Variants in CNTN4 observed in about 807,000 individuals in gnomAD.
CNTN4 encodes the protein contactin-4.
In CNTN4, 77 loss-of-function variants were observed where a neutral mutation model predicts 122.5. The observed-to-expected ratio is 0.63, with a 90% CI of 0.52 to 0.76. The LOEUF is 0.76. Among genes scored for constraint, CNTN4 ranks in the 30% least tolerant of loss-of-function variants. The pLI is 0.00. For missense variants in CNTN4, 1,256 were observed against 1,259.1 expected, an observed-to-expected ratio of 1.00 and a Z score of 0.04; for synonymous variants, 512 against 447.0, an observed-to-expected ratio of 1.15 and a Z score of -1.83.
chr3:2,157,138 C>A (rs2149154228), intron 2 of CNTN4, among the ~76,000 whole-genome samples: 1 of 152,148 alleles, frequency 6.6e-6, no homozygotes, highest in South Asian at 2.1e-4. Flanking sequence ...AAATTTCTGT[C>A]TTACACATTT....
At chr3:2,321,089 G>T (rs1183739954) in intron 2 of CNTN4, among the ~76,000 whole-genome samples, 1 of 151,996 alleles carries the variant, frequency 6.6e-6, no homozygotes, top group Non-Finnish European at 1.5e-5. Flanking sequence ...AGATAATTTG[G>T]GCTCTGTTCA....
chr3:2,159,656 C>G (rs776386518), intron 2 of CNTN4, among the ~76,000 whole-genome samples: 14 of 152,146 alleles, frequency 9.2e-5, no homozygotes, highest in Non-Finnish European at 2.1e-4. Flanking sequence ...ATTGCAGCAT[C>G]TTACCGTGTG....
chr3:3,042,457 G>C lies in CNTN4; in HGVS notation c.2511+35G>C, dbSNP rs147167388. On this transcript the variant is annotated intron_variant, in intron 21 of 24. Coordinates refer to ENST00000418658, the MANE Select transcript of CNTN4 (RefSeq NM_175607.3). ...ACATATGTGCCTTGGGTCTGAAAGA[G>C]AGTCTATGCCCCTTGATAAGTCCTC... 30 of 1,347,092 alleles carry C rather than the reference G, an allele frequency of 2.2e-5. 1 individual carries two copies. The African/African-American group carries it at 4.1e-4, about 19-fold the overall frequency. 83.4% of individuals were successfully genotyped at this position (1,347,092 alleles called of 1,614,324 possible).
intron 4 of CNTN4, among the ~76,000 whole-genome samples, chr3:2,654,024 G>C (rs1345347385): frequency 2.0e-5 from 3 of 152,138 alleles, no homozygotes; most frequent in Admixed American, 1.3e-4. Context: ...TCTTTGTTTT[G>C]TTGCCCTTGG....
At chr3:2,360,407 A>G (rs1438663565) in intron 3 of CNTN4, among the ~76,000 whole-genome samples, 1 of 152,118 alleles carries the variant, frequency 6.6e-6, no homozygotes, top group Non-Finnish European at 1.5e-5. Flanking sequence ...AGTGAACTGG[A>G]AATACTGAAA....
chr3:2,802,047 C>T (rs1174723395), intron 6 of CNTN4, among the ~76,000 whole-genome samples: 1 of 152,184 alleles, frequency 6.6e-6, no homozygotes, highest in Non-Finnish European at 1.5e-5. Context: ...ACAACTACTT[C>T]TAATTTTGTT....
intron 15 of CNTN4, among the ~76,000 whole-genome samples, chr3:3,026,970 T>C (rs1387117380): frequency 6.6e-6 from 1 of 152,146 alleles, no homozygotes; most frequent in African/African-American, 2.4e-5. Context: ...ACAATAAAGA[T>C]GGACTCCGGC....
intron 4 of CNTN4, among the ~76,000 whole-genome samples, chr3:2,680,151 C>T (rs944023676): frequency 6.6e-6 from 1 of 152,110 alleles, no homozygotes; most frequent in African/African-American, 2.4e-5. Flanking sequence ...AGAAACTCAT[C>T]CAACTAAATA....
intron 17 of CNTN4, among the ~76,000 whole-genome samples, chr3:3,036,884 CAT>C (rs1699660718): frequency 6.6e-6 from 1 of 152,070 alleles, no homozygotes; most frequent in Non-Finnish European, 1.5e-5. Context: ...TGCGGAAACA[CAT>C]GTGAAGGGGT....
At chr3:2,307,162 G>A (rs893255702) in intron 2 of CNTN4, among the ~76,000 whole-genome samples, 8 of 152,088 alleles carry the variant, frequency 5.3e-5, no homozygotes, top group Non-Finnish European at 1.0e-4. Context: ...AAGGCCGGGC[G>A]CAGTGGCTCA....
At chr3:2,754,542 A>G (rs1178781481) in intron 6 of CNTN4, among the ~76,000 whole-genome samples, 3 of 152,260 alleles carry the variant, frequency 2.0e-5, no homozygotes, top group East Asian at 3.9e-4. Context: ...CTAATACACC[A>G]TTCATGCCCT....
At chr3:2,891,242 T>A (rs1045155126) in intron 10 of CNTN4, among the ~76,000 whole-genome samples, 2 of 151,942 alleles carry the variant, frequency 1.3e-5, no homozygotes, top group African/African-American at 2.4e-5. Context: ...AGTGGGTGAG[T>A]CACTTGAGGC....
intron 14 of CNTN4, among the ~76,000 whole-genome samples, chr3:3,000,880 CTTTT>C (rs59337830): frequency 3.0e-5 from 4 of 131,490 alleles, no homozygotes; most frequent in Non-Finnish European, 4.9e-5. Context: ...TTCTTTCTTT[CTTTT>C]TTTTTTTTTT....
chr3:2,904,527 A>G (rs1339384659), intron 12 of CNTN4, among the ~76,000 whole-genome samples: 1 of 152,238 alleles, frequency 6.6e-6, no homozygotes, highest in East Asian at 1.9e-4. Flanking sequence ...TAATGGTTTT[A>G]TGCTCTTGGC....
chr3:2,265,588 T>C (rs184128857), intron 2 of CNTN4, among the ~76,000 whole-genome samples: 24 of 152,204 alleles, frequency 1.6e-4, no homozygotes, highest in African/African-American at 5.5e-4. Context: ...GATTGTATTT[T>C]TCATTTTTGT....
Position 3,043,723 on chromosome 3 carries a change from G to A in CNTN4, c.2811+19G>A. ...ATACAAAGTAGGTAATTTCTTTTTT[G>A]CAAAGGCACCTAATCGTGCTGTGAG... On this transcript the variant is annotated intron_variant, in intron 23 of 24. Coordinates refer to ENST00000418658, the MANE Select transcript of CNTN4 (RefSeq NM_175607.3). 6.5e-7 allele frequency: 1 copy of A among 1,527,050 alleles called. No homozygotes were observed. Among genetic ancestry groups the A allele is most frequent in the Non-Finnish European group, 9.1e-7 (1 of 1,101,022 alleles). The allele number at this position is 1,527,050 out of a possible 1,614,324, so 94.6% of individuals were successfully genotyped here.
chr3:2,310,082 C>G (rs1057478783), intron 2 of CNTN4, among the ~76,000 whole-genome samples: 4 of 152,054 alleles, frequency 2.6e-5, no homozygotes, highest in African/African-American at 9.7e-5. Flanking sequence ...CAATCAAATA[C>G]TGCAGTAGTT....
intron 3 of CNTN4, among the ~76,000 whole-genome samples, chr3:2,400,404 A>AATATAT (rs36082705): frequency 0.011 from 955 of 90,674 alleles, 23 homozygotes; most frequent in South Asian, 0.031. Context: ...TATGTGTGTG[A>AATATAT]ATATATATAT....
intron 3 of CNTN4, among the ~76,000 whole-genome samples, chr3:2,479,067 C>T (rs1276308930): frequency 6.6e-6 from 1 of 152,054 alleles, no homozygotes; most frequent in African/African-American, 2.4e-5. Context: ...CATCTTTGCT[C>T]ATTCTTTCCA....
Sources: gnomAD v4.1 joint callset for allele counts (sites outside exome capture counted in the v4.1 genomes callset) on GRCh38, gnomAD v4.1.1 for gene constraint, MANE v1.5 for transcripts, NCBI Gene and HGNC (gene_info 2026-07-23, HGNC 2026-07-21) for gene names.